Variants in VPS41 observed in about 807,000 individuals in gnomAD.
VPS41 encodes VPS41 subunit of HOPS complex, also known as vacuolar protein sorting-associated protein 41 homolog.
A neutral mutation model predicts 130.9 loss-of-function variants in VPS41; 85 were observed. That is an observed-to-expected ratio of 0.65 (90% CI 0.55 to 0.78). VPS41 has a LOEUF of 0.78. Ranked by LOEUF, VPS41 falls within the 30% of genes least tolerant of loss-of-function variation. The probability of loss-of-function intolerance (pLI) is 0.00; values close to 1 mark genes in which losing one functional copy is unlikely to be tolerated. For missense variants in VPS41, 874 were observed against 1,018.7 expected, an observed-to-expected ratio of 0.86 and a Z score of 1.93; for synonymous variants, 335 against 332.9, an observed-to-expected ratio of 1.01 and a Z score of -0.07.
At chr7:38,787,467 T>G (rs1784460756) in intron 10 of VPS41, among the ~76,000 whole-genome samples, 1 of 152,214 alleles carries the variant, frequency 6.6e-6, no homozygotes, top group Non-Finnish European at 1.5e-5. Context: ...CCAAAAGCCC[T>G]ATGTATAGAG....
intron 5 of VPS41, among the ~76,000 whole-genome samples, chr7:38,822,605 T>A (rs1258293508): frequency 6.6e-6 from 1 of 152,220 alleles, no homozygotes; most frequent in African/African-American, 2.4e-5. Flanking sequence ...GTTTCCAGAT[T>A]GGGGCTATCA....
chr7:38,770,563 G>C (rs1784135632), intron 14 of VPS41, among the ~76,000 whole-genome samples: 1 of 152,052 alleles, frequency 6.6e-6, no homozygotes, highest in Non-Finnish European at 1.5e-5. Context: ...AATGTAGGCA[G>C]AAAGAATTTG....
intron 10 of VPS41, among the ~76,000 whole-genome samples, chr7:38,787,120 T>C (rs750972852): frequency 6.6e-6 from 1 of 152,228 alleles, no homozygotes; most frequent in Non-Finnish European, 1.5e-5. Context: ...TGTCATTCTA[T>C]ATAGATTCTC....
At chr7:38,734,188 T>C (rs1795721470) in intron 25 of VPS41, among the ~76,000 whole-genome samples, 1 of 152,230 alleles carries the variant, frequency 6.6e-6, no homozygotes, top group African/African-American at 2.4e-5. Context: ...CTTGTAGGCA[T>C]AGCTTAGAAA....
chr7:38,821,812 A>C (rs978794772), intron 5 of VPS41, among the ~76,000 whole-genome samples: 2 of 152,186 alleles, frequency 1.3e-5, no homozygotes, highest in African/African-American at 4.8e-5. Context: ...CCATGGATAG[A>C]GTTCCCTTCA....
In VPS41 at chr7:38,878,761, C is replaced by G. The variant is rs187699453; in HGVS notation, c.61-9508G>C. Among the ~76,000 whole-genome samples, 18 of 152,254 alleles carry G rather than the reference C, an allele frequency of 1.2e-4. No homozygotes were observed. The East Asian group carries it at 3.1e-3, about 26-fold the overall frequency. On this transcript the variant is annotated intron_variant, in intron 2 of 28. Coordinates refer to ENST00000310301, the MANE Select transcript of VPS41 (RefSeq NM_014396.4). ...ATCTTAAAAAAGCTTTCAGTAAATA[C>G]AAAGGTTTCTTTACCGAAGAGCTAA...
In VPS41 at chr7:38,820,354, A is replaced by C. The variant is rs933096495; in HGVS notation, c.384+849T>G. ...CTTTTTAAAACATACATCAGACCCT[A>C]TCTCTCCTTTACCTGCTGGTCAATA... On this transcript the variant is annotated intron_variant, in intron 6 of 28. Coordinates refer to ENST00000310301, the MANE Select transcript of VPS41 (RefSeq NM_014396.4). Among the ~76,000 whole-genome samples the C allele has an allele frequency of 2.6e-5, 4 of 152,260 alleles. No individual in the cohort carries two copies. The East Asian group carries it at 7.7e-4, about 29-fold the overall frequency.
intron 5 of VPS41, among the ~76,000 whole-genome samples, chr7:38,825,289 C>A (rs1785248976): frequency 6.6e-6 from 1 of 152,200 alleles, no homozygotes; most frequent in Admixed American, 6.5e-5. Context: ...CATATAACTT[C>A]ACGAGACAAA....
At chr7:38,730,651 G>A (rs1795643947) in intron 25 of VPS41, among the ~76,000 whole-genome samples, 1 of 151,948 alleles carries the variant, frequency 6.6e-6, no homozygotes, top group Non-Finnish European at 1.5e-5. Context: ...AACAAATACA[G>A]TAAGAAAGAT....
At chr7:38,908,140 T>C (rs1787309408) in intron 1 of VPS41, among the ~76,000 whole-genome samples, 1 of 152,182 alleles carries the variant, frequency 6.6e-6, no homozygotes, top group Admixed American at 6.5e-5. Flanking sequence ...ACTAGGTAAA[T>C]GACTCTTATG....
chr7:38,729,404 T>C (rs896316661), intron 25 of VPS41, among the ~76,000 whole-genome samples: 2 of 151,300 alleles, frequency 1.3e-5, no homozygotes, highest in African/African-American at 2.4e-5. Context: ...CATAGTGCTA[T>C]GAATGTGGTG....
At chr7:38,817,422 T>C (rs1013620994) in intron 7 of VPS41, among the ~76,000 whole-genome samples, 11 of 152,090 alleles carry the variant, frequency 7.2e-5, no homozygotes, top group Non-Finnish European at 1.5e-4. Flanking sequence ...AGGCCATGTC[T>C]TTAGTAGAGA....
At chr7:38,790,151 T>G (rs1000462458) in intron 9 of VPS41, among the ~76,000 whole-genome samples, 16 of 152,190 alleles carry the variant, frequency 1.1e-4, no homozygotes, top group African/African-American at 2.9e-4. Context: ...CTTCTGTCAG[T>G]GATCAGGGAT....
chr7:38,798,159 G>A (rs1784656219), intron 7 of VPS41, among the ~76,000 whole-genome samples: 1 of 152,148 alleles, frequency 6.6e-6, no homozygotes, highest in African/African-American at 2.4e-5. Flanking sequence ...CTGTGATTCA[G>A]CCTCTTCCTC....
intron 4 of VPS41, among the ~76,000 whole-genome samples, chr7:38,856,496 C>T (rs1415709326): frequency 1.3e-5 from 2 of 152,122 alleles, no homozygotes; most frequent in African/African-American, 4.8e-5. Flanking sequence ...AGAACCAGCT[C>T]CCAGAGGCCT....
intron 7 of VPS41, among the ~76,000 whole-genome samples, chr7:38,804,294 C>A (rs1231261128): frequency 6.6e-6 from 1 of 152,110 alleles, no homozygotes; most frequent in African/African-American, 2.4e-5. Context: ...ATTAAGCCTA[C>A]TATCCATTAG....
Position 38,774,208 on chromosome 7 carries a change from T to C in VPS41, c.919A>G (p.Ile307Val), listed in dbSNP as rs766574015. ...TCACAAGTCTCAGAAAGTGGCTGGA[T>C]GATGTCCAGTCTAGGCCTGGCACAG... is the stretch of plus-strand genomic sequence containing the variant. ...EYCARPRLDIIQPLSETCEEI... is the reference protein window; with the variant it reads ...EYCARPRLDIVQPLSETCEEI... The change falls in exon 12 of 29, where the codon ATC (isoleucine) becomes GTC (valine). Residue 307 changes from isoleucine to valine, a missense_variant. Ile to Val is a conservative substitution (Grantham distance 29, BLOSUM62 3). Transcript: ENST00000310301. 10 of 1,609,922 alleles carry C rather than the reference T, an allele frequency of 6.2e-6. No homozygotes were observed. In the South Asian group the frequency reaches 9.9e-5, roughly 16 times the overall value.
intron 17 of VPS41, among the ~76,000 whole-genome samples, chr7:38,759,300 G>C (rs976291468): frequency 6.6e-6 from 1 of 152,262 alleles, no homozygotes. Flanking sequence ...AGAACTAATT[G>C]CTTTCTTGGT....
intron 19 of VPS41, among the ~76,000 whole-genome samples, chr7:38,755,817 A>G (rs1783778395): frequency 6.6e-6 from 1 of 152,136 alleles, no homozygotes; most frequent in Non-Finnish European, 1.5e-5. Context: ...ATGAGGGGAG[A>G]CTAGATATGA....
Sources: gnomAD v4.1 joint callset for allele counts (sites outside exome capture counted in the v4.1 genomes callset) on GRCh38, gnomAD v4.1.1 for gene constraint, MANE v1.5 for transcripts, NCBI Gene and HGNC (gene_info 2026-07-23, HGNC 2026-07-21) for gene names.